SPDYA: variants seen among roughly 807,000 people sequenced by gnomAD.
SPDYA encodes speedy/RINGO cell cycle regulator family member A, also known as speedy protein A.
In SPDYA, 11 loss-of-function variants were observed where a neutral mutation model predicts 36.7. The observed-to-expected ratio is 0.30, with a 90% CI of 0.19 to 0.50. The LOEUF is 0.50. Ranked by LOEUF, SPDYA falls within the 20% of genes least tolerant of loss-of-function variation. The pLI is 0.98. For synonymous variants in SPDYA, 115 were observed against 118.7 expected, an observed-to-expected ratio of 0.97 and a Z score of 0.20; for missense variants, 287 against 370.9, an observed-to-expected ratio of 0.77 and a Z score of 1.86.
chr2:28,828,954 G>A (rs1420756434), intron 5 of SPDYA, among the ~76,000 whole-genome samples, 194 bp from the exon 6 acceptor site: 1 of 152,206 alleles, frequency 6.6e-6, no homozygotes, highest in Non-Finnish European at 1.5e-5. Context: ...CTCAAGATTT[G>A]TAGGAATAAG....
intron 6 of SPDYA, among the ~76,000 whole-genome samples, chr2:28,839,275 C>A (rs1039863859): frequency 1.3e-5 from 2 of 152,122 alleles, no homozygotes; most frequent in African/African-American, 4.8e-5. Context: ...ATTTAACAAA[C>A]CTTATAGAAC....
At chr2:28,849,008 G>A (rs1429932269) in intron 7 of SPDYA, among the ~76,000 whole-genome samples, 2 of 151,676 alleles carry the variant, frequency 1.3e-5, no homozygotes, top group East Asian at 3.9e-4. Flanking sequence ...TCACGCCACT[G>A]CACTCCAGCC....
Position 28,840,753 on chromosome 2 carries a change from T to C in SPDYA, c.850+284T>C, listed in dbSNP as rs1191130936. ...CTGAATCATTTTTTTGAAATGTTTA[T>C]TTTATTCAAAAGGGTTTCAAGAAGA... On this transcript the variant is annotated intron_variant, in intron 7 of 7. Coordinates refer to ENST00000334056, the MANE Select transcript of SPDYA (RefSeq NM_182756.4). 5 of 1,101,760 alleles carry C rather than the reference T, an allele frequency of 4.5e-6. No individual in the cohort carries two copies. The African/African-American group carries it at 8.2e-5, about 18-fold the overall frequency. 68.2% of individuals were successfully genotyped at this position (1,101,760 alleles called of 1,614,324 possible).
chr2:28,829,345 A>G (rs1200088493), intron 6 of SPDYA, 26 bp downstream of exon 6: 1 of 1,573,362 alleles, frequency 6.4e-7, no homozygotes, highest in South Asian at 1.2e-5. Flanking sequence ...TGCTTTATAT[A>G]TGTAATCTTT....
intron 7 of SPDYA, among the ~76,000 whole-genome samples, chr2:28,847,688 G>T (rs1668914421): frequency 6.6e-6 from 1 of 150,726 alleles, no homozygotes; most frequent in Non-Finnish European, 1.5e-5. Flanking sequence ...GGAGGTTGCA[G>T]TGAGCCAAGA....
At chr2:28,822,869 G>A (rs1275325493) in intron 5 of SPDYA, among the ~76,000 whole-genome samples, 3 of 152,164 alleles carry the variant, frequency 2.0e-5, no homozygotes, top group African/African-American at 7.2e-5. Flanking sequence ...GCCTTCCAAG[G>A]TGCTGGGATT....
intron 5 of SPDYA, among the ~76,000 whole-genome samples, chr2:28,824,704 G>T (rs192424921): frequency 3.8e-4 from 58 of 151,602 alleles, no homozygotes; most frequent in Admixed American, 6.6e-4. Flanking sequence ...ATGCCACCAC[G>T]CCCGGCTAAT....
chr2:28,817,986 AC>A (rs1278741339), intron 3 of SPDYA, among the ~76,000 whole-genome samples: 3 of 145,092 alleles, frequency 2.1e-5, no homozygotes, highest in Non-Finnish European at 4.5e-5. Context: ...ACGTGGTGAA[AC>A]CCCCTCTCTA....
At chr2:28,828,721 A>T (rs1239702099) in intron 5 of SPDYA, among the ~76,000 whole-genome samples, 1 of 152,238 alleles carries the variant, frequency 6.6e-6, no homozygotes, top group Non-Finnish European at 1.5e-5. Context: ...ACTGCCTAAC[A>T]TTCACATACG....
chr2:28,835,172 C>T (rs1184537317), intron 6 of SPDYA, among the ~76,000 whole-genome samples: 1 of 152,014 alleles, frequency 6.6e-6, no homozygotes, highest in Non-Finnish European at 1.5e-5. Context: ...AGCAATCCTC[C>T]CACCTTGGCC....
chr2:28,821,922 A>G (rs1668178843), intron 4 of SPDYA, among the ~76,000 whole-genome samples: 1 of 152,234 alleles, frequency 6.6e-6, no homozygotes, highest in Admixed American at 6.5e-5. Context: ...GGTTTAGAAA[A>G]ATTATATATA....
At chr2:28,820,016 C>T (rs928906488) in intron 4 of SPDYA, among the ~76,000 whole-genome samples, 9 of 147,894 alleles carry the variant, frequency 6.1e-5, no homozygotes, top group African/African-American at 2.3e-4. Context: ...GTCTCAAAAA[C>T]GAACAAAAAC....
chr2:28,839,808 CT>C (rs34542148), intron 6 of SPDYA, among the ~76,000 whole-genome samples: 1 of 152,166 alleles, frequency 6.6e-6, no homozygotes, highest in African/African-American at 2.4e-5. Context: ...GGCCAATTAA[CT>C]TTTTTTAACC....
At chr2:28,819,845 AAAAAATATATATATATATATATAT>A (rs1184374257) in intron 4 of SPDYA, among the ~76,000 whole-genome samples, 33 of 33,018 alleles carry the variant, frequency 1.0e-3, no homozygotes, top group African/African-American at 1.4e-3. Context: ...AAAAAAAAAA[AAAAAATATATATATATATATATAT>A]ATATATATAT....
At chr2:28,844,449 G>A (rs931365359) in intron 7 of SPDYA, among the ~76,000 whole-genome samples, 3 of 152,092 alleles carry the variant, frequency 2.0e-5, no homozygotes, top group Non-Finnish European at 4.4e-5. Context: ...CTTGATGCTG[G>A]GCAGAGGCAG....
At chr2:28,813,390 T>C (rs1457827807) in intron 1 of SPDYA, among the ~76,000 whole-genome samples, 2 of 152,194 alleles carry the variant, frequency 1.3e-5, no homozygotes, top group Non-Finnish European at 2.9e-5. Flanking sequence ...AAACTTATCT[T>C]CTGGAATATG....
rs1667983849 is a variant in SPDYA at position 28,816,377 on chromosome 2, C to A, written c.235+128C>A. On this transcript the variant is annotated intron_variant, in intron 3 of 7. Coordinates refer to ENST00000334056, the MANE Select transcript of SPDYA (RefSeq NM_182756.4). ...TTGTATTAAATTTCCCATCTCCAAC[C>A]AAATTTGTTTTTGTTTTACTTAGTC... 9 of 726,274 alleles carry A rather than the reference C, an allele frequency of 1.2e-5. No individual in the cohort carries two copies. In the South Asian group the frequency reaches 2.3e-4, roughly 18 times the overall value. 45.0% of individuals were successfully genotyped at this position (726,274 alleles called of 1,614,324 possible). A position where few individuals can be genotyped will look rare whatever the true frequency, so the allele number is the denominator to read the frequency against.
intron 6 of SPDYA, among the ~76,000 whole-genome samples, chr2:28,832,746 C>T (rs576568079): frequency 2.0e-4 from 30 of 152,108 alleles, no homozygotes; most frequent in African/African-American, 7.2e-4. Context: ...AGCATCCTAC[C>T]ATTTCTCACC....
Position 28,849,956 on chromosome 2 carries a change from A to G in SPDYA, c.*15A>G, listed in dbSNP as rs1324654794. 6.5e-7 allele frequency: 1 copy of G among 1,544,122 alleles called. No individual in the cohort carries two copies. The highest frequency in any genetic ancestry group is 1.4e-5 in the African/African-American group (1 of 72,400). On this transcript the variant is annotated 3_prime_UTR_variant, in exon 8 of 8. Coordinates refer to ENST00000334056, the MANE Select transcript of SPDYA (RefSeq NM_182756.4). Reference sequence around the variant, plus strand: ...GTGAAGAATGAGATGGCCCAACTAAACCAATTTGGAATCATTAACTACAAA... The same window carrying G: ...GTGAAGAATGAGATGGCCCAACTAAGCCAATTTGGAATCATTAACTACAAA...
Sources: gnomAD v4.1 joint callset for allele counts (sites outside exome capture counted in the v4.1 genomes callset) on GRCh38, gnomAD v4.1.1 for gene constraint, MANE v1.5 for transcripts, NCBI Gene and HGNC (gene_info 2026-07-23, HGNC 2026-07-21) for gene names.